SF3B4: variants seen among roughly 807,000 people sequenced by gnomAD.
SF3B4 encodes the protein SAP 49.
Under a neutral mutation model 34.3 loss-of-function variants are expected in SF3B4, and 3 were observed. That is an observed-to-expected ratio of 0.09 (90% CI 0.04 to 0.23). The LOEUF is 0.23. Ranked by LOEUF, SF3B4 falls within the 10% of genes least tolerant of loss-of-function variation. The probability of loss-of-function intolerance (pLI) is 1.00; values close to 1 mark genes in which losing one functional copy is unlikely to be tolerated. For synonymous variants in SF3B4, 216 were observed against 207.8 expected (o/e 1.04, Z -0.34); for missense variants, 283 against 567.2 (o/e 0.50, Z 5.09).
Position 149,923,582 on chromosome 1 carries a change from A to C in SF3B4, c.1235T>G (p.Val412Gly), listed in dbSNP as rs782479052. 1.3e-6 allele frequency: 2 copies of C among 1,560,920 alleles called. No individual in the cohort carries two copies. The highest frequency in any genetic ancestry group is 4.8e-5 in the East Asian group (2 of 41,570). The change falls in exon 6 of 6, where the codon GTT becomes GGT. Residue 412 changes from valine (V) to glycine (G), a missense_variant. Transcript: ENST00000271628. ...PPPRPTPRPP[V>G]PPRGPLRGPL... is the part of the protein sequence containing the mutation. ...GCCTCGAAGTGGGCCTCGAGGGGGA[A>C]CTGGTGGCCGGGGAGTGGGTCTGGG...
intron 1 of SF3B4, 85 bp from the exon 2 acceptor site, chr1:149,927,379 C>G: frequency 6.5e-7 from 1 of 1,548,326 alleles, no homozygotes. Flanking sequence ...GGAACCCAAC[C>G]AGGGGAACTG....
At chr1:149,925,086 G>A (rs1224316121) in intron 4 of SF3B4, among the ~76,000 whole-genome samples, 2 of 152,204 alleles carry the variant, frequency 1.3e-5, no homozygotes, top group African/African-American at 2.4e-5. Flanking sequence ...CACTGGCCAT[G>A]GGGAGAGATG....
At position 149,927,713 on chromosome 1, in the gene SF3B4, C is replaced by A. The variant is rs1206537632; in HGVS notation, c.34+13G>T. ...CACGCTGAGCCCATTCCAGACTTTC[C>A]CCCTCCAGTTACCCTGATTCCGCTC... On this transcript the variant is annotated intron_variant, in intron 1 of 5. Transcript: ENST00000271628. The A allele has an allele frequency of 1.3e-6, 2 of 1,552,782 alleles. No individual in the cohort carries two copies. Among genetic ancestry groups the A allele is most frequent in the Non-Finnish European group, 1.7e-6 (2 of 1,147,574 alleles).
In SF3B4 at chr1:149,926,599, G is replaced by A. The variant is rs782214941; in HGVS notation, c.483C>T (p.Ala161=). ...SFDASDAAIE[A]MNGQYLCNRP... is the part of the protein sequence containing the mutation. ...GGTTACAGAGGTACTGCCCATTCAT[G>A]GCTTCAATTGCTGCATCCGAAGCAT... The change falls in exon 3 of 6, where the codon GCC becomes GCT. Residue 161 remains alanine, a synonymous_variant. Coordinates refer to ENST00000271628, the MANE Select transcript of SF3B4 (RefSeq NM_005850.5). The surrounding 1 kb of genome is among the most constrained non-coding windows in gnomAD (Gnocchi z 6.2). 6.2e-7 allele frequency: 1 copy of A among 1,614,164 alleles called. No homozygotes were observed. The highest frequency in any genetic ancestry group is 8.5e-7 in the Non-Finnish European group (1 of 1,180,030).
intron 2 of SF3B4, 101 bp downstream of exon 2, chr1:149,927,065 C>T: frequency 6.6e-7 from 1 of 1,519,924 alleles, no homozygotes; most frequent in Non-Finnish European, 8.9e-7. Context: ...TGAAGAGAGG[C>T]TTAAAAGAAA....
chr1:149,923,768 C>T (rs2092569954), intron 5 of SF3B4, 39 bp from the exon 6 acceptor site: 1 of 1,520,678 alleles, frequency 6.6e-7, no homozygotes, highest in Non-Finnish European at 8.8e-7. Context: ...GGGCACGGGA[C>T]AAGGGGTGTG....
intron 1 of SF3B4, 107 bp downstream of exon 1, chr1:149,927,619 T>C: frequency 7.0e-7 from 1 of 1,430,982 alleles, no homozygotes; most frequent in Non-Finnish European, 9.6e-7. Context: ...TCGCGCCCTC[T>C]GGGGAAGGGA....
At chr1:149,925,739 A>T (rs971461455) in intron 4 of SF3B4, 97 bp downstream of exon 4, 8 of 898,920 alleles carry the variant, frequency 8.9e-6, no homozygotes, top group Admixed American at 1.8e-5. Context: ...GAAAACTCTG[A>T]AACTGTTACT....
In SF3B4 at chr1:149,926,203, C is replaced by T. The variant is rs2092589431; in HGVS notation, c.707-161G>A. On this transcript the variant is annotated intron_variant, in intron 3 of 5. Transcript: ENST00000271628. The surrounding 1 kb of genome is among the most constrained non-coding windows in gnomAD (Gnocchi z 6.2). Reference sequence around the variant, plus strand: ...TGTTAGAAAAGTCAACCAACTTCACCCTCCTAAAGAAACCCAACAACTTTC... The same window carrying T: ...TGTTAGAAAAGTCAACCAACTTCACTCTCCTAAAGAAACCCAACAACTTTC... Among the ~76,000 whole-genome samples the T allele has an allele frequency of 6.6e-6, 1 of 152,154 alleles. No homozygotes were observed. The highest frequency in any genetic ancestry group is 2.1e-4 in the South Asian group (1 of 4,832).
In SF3B4 at chr1:149,926,340, A is replaced by G. The variant is rs782586341; in HGVS notation, c.706+36T>C. On this transcript the variant is annotated intron_variant, in intron 3 of 5. Transcript: ENST00000271628. The surrounding 1 kb of genome is among the most constrained non-coding windows in gnomAD (Gnocchi z 6.2). ...TTCTTCCTCCTGACCCTCTCCCCCAACCTTAAGACAAACATATTTTAACCA... is the reference window on the plus strand; with the variant it reads ...TTCTTCCTCCTGACCCTCTCCCCCAGCCTTAAGACAAACATATTTTAACCA... 1.9e-6 allele frequency: 3 copies of G among 1,554,410 alleles called. No homozygotes were observed. The highest frequency in any genetic ancestry group is 3.7e-5 in the Admixed American group (2 of 53,982).
chr1:149,927,746 G>T lies in SF3B4; in HGVS notation c.14C>A (p.Pro5Gln). MAAG[P>Q]ISERNQDATV... is the part of the protein sequence containing the mutation. ...GTTACCCTGATTCCGCTCGGAGATCGGCCCGGCAGCCATGGCGAAAGAGAT... is the reference window on the plus strand; with the variant it reads ...GTTACCCTGATTCCGCTCGGAGATCTGCCCGGCAGCCATGGCGAAAGAGAT... Residue 5 changes from proline (P) to glutamine (Q), a missense_variant, in exon 1 of 6, where the codon CCG (proline) becomes CAG (glutamine). Around this residue, in one of 4 missense-constraint regions of SF3B4, gnomAD observed 39 missense variants for 127.3 expected, o/e 0.31. Transcript: ENST00000271628. The T allele has an allele frequency of 6.4e-7, 1 of 1,553,456 alleles. No individual in the cohort carries two copies. Among genetic ancestry groups the T allele is most frequent in the Non-Finnish European group, 8.7e-7 (1 of 1,147,984 alleles).
chr1:149,927,040 G>A (rs893088397), intron 2 of SF3B4, 122 bp from the exon 3 acceptor site: 11 of 1,463,478 alleles, frequency 7.5e-6, no homozygotes, highest in African/African-American at 2.8e-5. Flanking sequence ...CTTAAGAATG[G>A]TTCCAGAAAT....
At position 149,926,176 on chromosome 1, in the gene SF3B4, A is replaced by G; in HGVS notation, c.707-134T>C. ...CTCCCAGTGCTCTAAAATCAAAAGC[A>G]ATGTTAGAAAAGTCAACCAACTTCA... is the stretch of plus-strand genomic sequence containing the variant. On this transcript the variant is annotated intron_variant, in intron 3 of 5. Transcript: ENST00000271628. The surrounding 1 kb of genome is among the most constrained non-coding windows in gnomAD (Gnocchi z 6.2). The G allele has an allele frequency of 1.4e-6, 1 of 700,454 alleles. No homozygotes were observed. The highest frequency in any genetic ancestry group is 2.4e-6 in the Non-Finnish European group (1 of 424,940). 43.4% of individuals were successfully genotyped at this position (700,454 alleles called of 1,614,324 possible).
rs201974529 is a variant in SF3B4, at chr1:149,926,935, G to C, written c.164-17C>G. 8 of 1,583,648 alleles carry C rather than the reference G, an allele frequency of 5.1e-6. No homozygotes were observed. The highest frequency in any genetic ancestry group is 1.2e-5 in the South Asian group (1 of 86,676). On this transcript the variant is annotated splice_polypyrimidine_tract_variant and intron_variant, in intron 2 of 5. Transcript: ENST00000271628. This position sits in a 1 kb window ranked among gnomAD's most constrained non-coding sequence, Gnocchi z 6.2. ...AGCCATAGCCTGGAAAAGTGGAGAA[G>C]AGGAGGTTAACAACGTAAGTAAAGA...
In SF3B4 at chr1:149,926,482, C is replaced by A; in HGVS notation, c.600G>T (p.Pro200=). The change falls in exon 3 of 6, where the codon CCG becomes CCT. Residue 200 remains proline, a synonymous_variant. Coordinates refer to ENST00000271628, the MANE Select transcript of SF3B4 (RefSeq NM_005850.5). The surrounding 1 kb of genome is among the most constrained non-coding windows in gnomAD (Gnocchi z 6.2). ...GATGAGGGCGATCAGCCTGGGAGAGCGGGTTCTGAGCTGCCAGAAGTCGTT... is the reference window on the plus strand; with the variant it reads ...GATGAGGGCGATCAGCCTGGGAGAGAGGGTTCTGAGCTGCCAGAAGTCGTT... The part of the protein sequence containing the change: ...AAERLLAAQN[P]LSQADRPHQL... The A allele has an allele frequency of 6.2e-7, 1 of 1,614,180 alleles. No homozygotes were observed. The highest frequency in any genetic ancestry group is 8.5e-7 in the Non-Finnish European group (1 of 1,180,032).
At chr1:149,927,383 G>T in intron 1 of SF3B4, 89 bp from the exon 2 acceptor site, 1 of 1,529,858 alleles carries the variant, frequency 6.5e-7, no homozygotes, top group Non-Finnish European at 8.9e-7. Flanking sequence ...CCCAACCAGG[G>T]GAACTGGGGA....
chr1:149,925,430 G>A (rs2092583644), intron 4 of SF3B4, among the ~76,000 whole-genome samples: 1 of 152,126 alleles, frequency 6.6e-6, no homozygotes, highest in Non-Finnish European at 1.5e-5. Flanking sequence ...AAGTCAGAGA[G>A]AGGGGTGGAG....
intron 4 of SF3B4, 61 bp from the exon 5 acceptor site, chr1:149,924,075 G>A (rs2092573244): frequency 2.9e-6 from 4 of 1,371,260 alleles, no homozygotes; most frequent in African/African-American, 1.5e-5. Flanking sequence ...AAAGAAAATA[G>A]AGAAAGGAAG....
chr1:149,923,432 G>C lies in SF3B4; in HGVS notation c.*110C>G. On this transcript the variant is annotated 3_prime_UTR_variant, in exon 6 of 6. Transcript: ENST00000271628. The stretch of plus-strand genomic sequence containing the variant: ...CATTAAAAAGGGGAATGGAGTGGGG[G>C]TGCTGAAAGGGATTAGTACCTTTGC... 1.3e-6 allele frequency: 1 copy of C among 760,534 alleles called. No homozygotes were observed. Among genetic ancestry groups the C allele is most frequent in the South Asian group, 2.0e-5 (1 of 50,818 alleles). The allele number at this position is 760,534 out of a possible 1,614,324, so 47.1% of individuals were successfully genotyped here. A position where few individuals can be genotyped will look rare whatever the true frequency, so the allele number is the denominator to read the frequency against.
Sources: allele counts gnomAD v4.1 joint callset (sites outside exome capture counted in the v4.1 genomes callset), GRCh38; gene constraint gnomAD v4.1.1; regional missense constraint gnomAD v4.1.1; non-coding constraint Gnocchi (gnomAD v3.1); transcripts MANE v1.5; gene names NCBI Gene and HGNC (gene_info 2026-07-23, HGNC 2026-07-21).